Variants in CLSTN2 observed in about 807,000 individuals in gnomAD.
The protein encoded by CLSTN2 is calsyntenin-2.
Under a neutral mutation model 101.2 loss-of-function variants are expected in CLSTN2, and 48 were observed. That is an observed-to-expected ratio of 0.47 (90% confidence interval 0.38 to 0.60). The LOEUF (loss-of-function observed/expected upper bound fraction) is 0.60. CLSTN2 is among the 20% of genes least tolerant of loss of function. CLSTN2 has a pLI of 0.00. For missense variants in CLSTN2, 1,160 were observed against 1,238.2 expected, an observed-to-expected ratio of 0.94 and a Z score of 0.95; for synonymous variants, 481 against 463.6, an observed-to-expected ratio of 1.04 and a Z score of -0.48.
At chr3:140,393,253 G>A (rs2088139477) in intron 2 of CLSTN2, among the ~76,000 whole-genome samples, 1 of 152,074 alleles carries the variant, frequency 6.6e-6, no homozygotes, top group Admixed American at 6.6e-5. Context: ...CCCCATGTTT[G>A]GACACTGAAA....
chr3:139,979,508 C>T (rs1427400357), intron 1 of CLSTN2, among the ~76,000 whole-genome samples: 3 of 152,044 alleles, frequency 2.0e-5, no homozygotes, highest in Non-Finnish European at 4.4e-5. Flanking sequence ...AGATTGCTCG[C>T]CTACATGTCT....
chr3:140,259,798 A>G (rs1002454859), intron 2 of CLSTN2, among the ~76,000 whole-genome samples: 5 of 152,124 alleles, frequency 3.3e-5, no homozygotes, highest in African/African-American at 1.2e-4. Flanking sequence ...ATGTTTTAGG[A>G]TAGGTGAGTT....
intron 9 of CLSTN2, among the ~76,000 whole-genome samples, chr3:140,546,262 G>T (rs1935581973): frequency 6.6e-6 from 1 of 152,208 alleles, no homozygotes; most frequent in African/African-American, 2.4e-5. Flanking sequence ...AAGACAGTGT[G>T]CCCTTGAAAA....
At position 140,177,209 on chromosome 3, in the gene CLSTN2, T is replaced by C. The variant is rs548027471; in HGVS notation, c.232+1136T>C. ...CTAAGGGTACCTGTGACTTCCGTGA[T>C]GTTTAGAATTGAGGCATTTCCATAC... On this transcript the variant is annotated intron_variant, in intron 2 of 16. Coordinates refer to ENST00000458420, the MANE Select transcript of CLSTN2 (RefSeq NM_022131.3). Among the ~76,000 whole-genome samples the C allele has an allele frequency of 2.0e-5, 3 of 152,322 alleles. No homozygotes were observed. In the East Asian group the frequency reaches 5.8e-4, roughly 29 times the overall value.
chr3:140,198,904 T>A (rs756208158), intron 2 of CLSTN2, among the ~76,000 whole-genome samples: 5 of 152,228 alleles, frequency 3.3e-5, no homozygotes, highest in African/African-American at 7.2e-5. Context: ...TATCCCACTT[T>A]GAATGAAATC....
At chr3:140,145,126 C>CTT (rs2009761982) in intron 1 of CLSTN2, among the ~76,000 whole-genome samples, 1 of 152,174 alleles carries the variant, frequency 6.6e-6, no homozygotes, top group African/African-American at 2.4e-5. Context: ...TGTAAATGGC[C>CTT]TTTTAGCACA....
chr3:140,496,364 G>C (rs1352630359), intron 8 of CLSTN2, among the ~76,000 whole-genome samples: 1 of 152,130 alleles, frequency 6.6e-6, no homozygotes, highest in Non-Finnish European at 1.5e-5. Flanking sequence ...AAGCTTTTGG[G>C]CTAAGGTGAT....
At chr3:139,979,692 G>C (rs1160076693) in intron 1 of CLSTN2, among the ~76,000 whole-genome samples, 1 of 152,136 alleles carries the variant, frequency 6.6e-6, no homozygotes, top group Non-Finnish European at 1.5e-5. Context: ...ATTTAGCTGT[G>C]TGCATGGGGA....
In CLSTN2 at chr3:140,420,994, G is replaced by C. The variant is rs987509355; in HGVS notation, c.638-131G>C. The C allele has an allele frequency of 5.1e-6, 5 of 978,820 alleles. No homozygotes were observed. In the African/African-American group the frequency reaches 8.1e-5, roughly 16 times the overall value. 60.6% of individuals were successfully genotyped at this position (978,820 alleles called of 1,614,324 possible). On this transcript the variant is annotated intron_variant, in intron 4 of 16. Transcript: ENST00000458420. ...TGGAGCCATGCTCCTGTTTGCCCTT[G>C]TTTTTACAAAGAGATAAGGAAAAGG...
At chr3:140,005,415 T>G (rs1378408303) in intron 1 of CLSTN2, among the ~76,000 whole-genome samples, 1 of 152,194 alleles carries the variant, frequency 6.6e-6, no homozygotes, top group East Asian at 1.9e-4. Context: ...TGATCCAGCC[T>G]CTTGTTAAAT....
chr3:140,117,185 C>A (rs937743703), intron 1 of CLSTN2, among the ~76,000 whole-genome samples: 1 of 152,174 alleles, frequency 6.6e-6, no homozygotes, highest in Non-Finnish European at 1.5e-5. Flanking sequence ...CCTCTGCCTT[C>A]TCCACGATGA....
intron 5 of CLSTN2, among the ~76,000 whole-genome samples, chr3:140,436,464 C>T (rs1441228093): frequency 1.3e-5 from 2 of 152,182 alleles, no homozygotes. Flanking sequence ...GTAAGTAGAT[C>T]GAACTGTCTA....
intron 1 of CLSTN2, among the ~76,000 whole-genome samples, chr3:139,936,644 G>A (rs1011864778): frequency 6.6e-5 from 10 of 152,198 alleles, no homozygotes; most frequent in African/African-American, 2.2e-4. Context: ...CTAGCTTAGG[G>A]GAGGAAATGC....
At chr3:140,361,829 AAGAT>A (rs1396467860) in intron 2 of CLSTN2, among the ~76,000 whole-genome samples, 10 of 152,174 alleles carry the variant, frequency 6.6e-5, no homozygotes, top group Admixed American at 3.9e-4. Context: ...AAAAATAAGA[AAGAT>A]CTAATAAATG....
At chr3:140,415,306 G>C (rs1373411811) in intron 4 of CLSTN2, among the ~76,000 whole-genome samples, 1 of 151,862 alleles carries the variant, frequency 6.6e-6, no homozygotes, top group African/African-American at 2.4e-5. Flanking sequence ...GATAGCAAAA[G>C]CATAGGCAAC....
chr3:140,077,691 GAA>G (rs1195987849), intron 1 of CLSTN2, among the ~76,000 whole-genome samples: 2 of 143,258 alleles, frequency 1.4e-5, no homozygotes, highest in African/African-American at 5.1e-5. Context: ...TAGAGGGGAG[GAA>G]AAAAAAAAAA....
At chr3:140,407,198 C>A (rs1445848120) in intron 4 of CLSTN2, among the ~76,000 whole-genome samples, 2 of 152,112 alleles carry the variant, frequency 1.3e-5, no homozygotes, top group African/African-American at 4.8e-5. Flanking sequence ...CTCTGAGCGA[C>A]CTTTCTGACT....
chr3:140,560,624 G>A (rs1383996038), intron 12 of CLSTN2, among the ~76,000 whole-genome samples: 10 of 152,128 alleles, frequency 6.6e-5, no homozygotes, highest in Admixed American at 2.6e-4. Context: ...TTGCCTCTGG[G>A]TCCCTGAACC....
rs61248635 is a variant in CLSTN2, at chr3:140,264,375, AATATATATATATATATATATATATAT to A, written c.232+88330_232+88355del. Among the ~76,000 whole-genome samples, 267 of 98,562 alleles carry A rather than the reference AATATATATATATATATATATATATAT, an allele frequency of 2.7e-3. 8 individuals are homozygous for A. The East Asian group carries it at 0.086, about 32-fold the overall frequency. The allele number at this position is 98,562 out of a possible 152,430, so 64.7% of individuals were successfully genotyped here. The stretch of plus-strand genomic sequence containing the variant: ...CTGTGAGTTCAAGGTTAATGAATCA[AATATATATATATATATATATATATAT>A]ATATATATATATATATATATATATA... On this transcript the variant is annotated intron_variant, in intron 2 of 16. Transcript: ENST00000458420.
Sources: allele counts gnomAD v4.1 joint callset (sites outside exome capture counted in the v4.1 genomes callset), GRCh38; gene constraint gnomAD v4.1.1; transcripts MANE v1.5; gene names NCBI Gene and HGNC (gene_info 2026-07-23, HGNC 2026-07-21).